The following STXBP6 variants were observed in gnomAD, a reference collection of about 807,000 sequenced individuals.
STXBP6 encodes syntaxin binding protein 6.
STXBP6 carries 21 observed loss-of-function variants against 26.9 expected under a neutral mutation model. That is an observed-to-expected ratio of 0.78 (90% confidence interval 0.55 to 1.12). The LOEUF is 1.12. Among genes scored for constraint, STXBP6 ranks in the 50% most tolerant of loss-of-function variants. The pLI, the probability that STXBP6 is intolerant of heterozygous loss-of-function variation, is 0.00. For missense variants in STXBP6, 232 were observed against 257.9 expected, an observed-to-expected ratio of 0.90 and a Z score of 0.69; for synonymous variants, 97 against 92.6, an observed-to-expected ratio of 1.05 and a Z score of -0.27.
At chr14:25,048,836 G>A (rs1370101557) in intron 1 of STXBP6, 2 of 152,374 alleles carry the variant, frequency 1.3e-5, no homozygotes, top group African/African-American at 2.4e-5. Flanking sequence ...GTGGAGCCAG[G>A]AAAAATTCGT....
chr14:24,860,422 T>C lies in STXBP6; in HGVS notation c.155-3265A>G, dbSNP rs148406180. On this transcript the variant is annotated intron_variant, in intron 2 of 5. Coordinates refer to ENST00000323944, the MANE Select transcript of STXBP6 (RefSeq NM_001394410.1). ...TTATGTGAAATGGGAGAAGAGCTCA[T>C]ATACCGCCAAGATTCAGAGGCAGAT... 2.2e-3 allele frequency among the ~76,000 whole-genome samples: 330 copies of C among 152,196 alleles called. 2 individuals carry two copies. Among genetic ancestry groups the C allele is most frequent in the African/African-American group, 7.5e-3 (313 of 41,558 alleles).
chr14:25,006,135 G>T (rs1474378730), intron 1 of STXBP6, among the ~76,000 whole-genome samples: 2 of 152,206 alleles, frequency 1.3e-5, no homozygotes, highest in South Asian at 2.1e-4. Flanking sequence ...CCATGACAGA[G>T]AACTGGTGAA....
chr14:24,875,420 C>T (rs762795690), intron 2 of STXBP6, among the ~76,000 whole-genome samples: 3 of 152,098 alleles, frequency 2.0e-5, no homozygotes, highest in Non-Finnish European at 4.4e-5. Context: ...TCATTTTAAA[C>T]GTCCAACACA....
intron 2 of STXBP6, among the ~76,000 whole-genome samples, chr14:24,962,650 A>G (rs889763756): frequency 3.3e-5 from 5 of 152,256 alleles, no homozygotes; most frequent in Admixed American, 3.3e-4. Context: ...AATTGACAAG[A>G]TATTTTATTT....
At chr14:24,847,833 T>C (rs1164895924) in intron 4 of STXBP6, among the ~76,000 whole-genome samples, 1 of 152,166 alleles carries the variant, frequency 6.6e-6, no homozygotes, top group Admixed American at 6.5e-5. Context: ...CAGTGTTACT[T>C]GATATATTTT....
At chr14:24,979,228 T>C (rs1305896241) in intron 1 of STXBP6, among the ~76,000 whole-genome samples, 2 of 152,240 alleles carry the variant, frequency 1.3e-5, no homozygotes, top group African/African-American at 4.8e-5. Context: ...GTTTTGGCCT[T>C]GTGGCTGTGC....
intron 5 of STXBP6, among the ~76,000 whole-genome samples, chr14:24,814,271 C>G (rs1443899709): frequency 2.0e-5 from 3 of 152,230 alleles, no homozygotes; most frequent in Admixed American, 6.5e-5. Flanking sequence ...TAGCTCAGAT[C>G]TGTACCACTT....
intron 1 of STXBP6, among the ~76,000 whole-genome samples, chr14:24,995,206 G>A (rs989259545): frequency 6.6e-6 from 1 of 152,128 alleles, no homozygotes; most frequent in Non-Finnish European, 1.5e-5. Context: ...ATGGTAGAAG[G>A]AACAAGGCAG....
At chr14:24,872,394 C>T (rs1039612784) in intron 2 of STXBP6, among the ~76,000 whole-genome samples, 2 of 152,182 alleles carry the variant, frequency 1.3e-5, no homozygotes, top group African/African-American at 4.8e-5. Flanking sequence ...GCTGTGACTT[C>T]ATACCTGAAG....
At chr14:24,993,744 C>T (rs1168021779) in intron 1 of STXBP6, among the ~76,000 whole-genome samples, 6 of 152,176 alleles carry the variant, frequency 3.9e-5, no homozygotes, top group African/African-American at 1.2e-4. Context: ...TTTTCCAGCT[C>T]CTGTCAGCCT....
Position 25,037,061 on chromosome 14 carries a change from CAAAGCCTACAGTAAGACAGTCCTGGCAGA to C in STXBP6, c.-33+12788_-33+12816del, listed in dbSNP as rs200278537. On this transcript the variant is annotated intron_variant, in intron 1 of 5. Coordinates refer to ENST00000323944, the MANE Select transcript of STXBP6 (RefSeq NM_001394410.1). ...CAGGAAGAAAAAGGAGCAGACACAGCAAAGCCTACAGTAAGACAGTCCTGGCAGAATGTGGCAGGACCCTGAAAGGCCCT... is the reference window on the plus strand; with the variant it reads ...CAGGAAGAAAAAGGAGCAGACACAGCATGTGGCAGGACCCTGAAAGGCCCT... Among the ~76,000 whole-genome samples, 3 of 152,254 alleles carry C rather than the reference CAAAGCCTACAGTAAGACAGTCCTGGCAGA, an allele frequency of 2.0e-5. No individual in the cohort carries two copies. The East Asian group carries it at 5.8e-4, about 29-fold the overall frequency.
At chr14:25,040,257 G>T (rs2075621600) in intron 1 of STXBP6, among the ~76,000 whole-genome samples, 1 of 152,178 alleles carries the variant, frequency 6.6e-6, no homozygotes, top group Admixed American at 6.5e-5. Flanking sequence ...ACATTATTCT[G>T]GAACTTGGGG....
intron 2 of STXBP6, among the ~76,000 whole-genome samples, chr14:24,961,921 CAT>C (rs2140125918): frequency 6.6e-6 from 1 of 152,204 alleles, no homozygotes; most frequent in South Asian, 2.1e-4. Context: ...AGAAAAAAAA[CAT>C]AAATATGTTT....
At chr14:24,980,867 T>A (rs1025077007) in intron 1 of STXBP6, among the ~76,000 whole-genome samples, 1 of 152,048 alleles carries the variant, frequency 6.6e-6, no homozygotes, top group Admixed American at 6.5e-5. Context: ...GGAAAAAAAA[T>A]ATCTTAAAGT....
At chr14:24,945,716 T>C (rs879428441) in intron 2 of STXBP6, among the ~76,000 whole-genome samples, 1 of 152,184 alleles carries the variant, frequency 6.6e-6, no homozygotes, top group Non-Finnish European at 1.5e-5. Flanking sequence ...ATTTTTAAAA[T>C]ATAGCAATAG....
intron 5 of STXBP6, chr14:24,816,752 T>C (rs1466289636): frequency 6.6e-6 from 1 of 152,024 alleles, no homozygotes; most frequent in African/African-American, 2.4e-5. Context: ...AGTATCAACA[T>C]TTAGCATGAG....
At chr14:25,038,451 ACT>A (rs1311480675) in intron 1 of STXBP6, among the ~76,000 whole-genome samples, 1 of 152,218 alleles carries the variant, frequency 6.6e-6, no homozygotes, top group Non-Finnish European at 1.5e-5. Context: ...ATACTCAAAA[ACT>A]GGAAACAATT....
At chr14:24,964,638 G>A (rs1299084852) in intron 2 of STXBP6, among the ~76,000 whole-genome samples, 4 of 119,420 alleles carry the variant, frequency 3.3e-5, no homozygotes, top group African/African-American at 1.4e-4. Flanking sequence ...AGCTAGTACA[G>A]TTCTCATTCT....
chr14:25,017,883 G>C (rs1044074159), intron 1 of STXBP6, among the ~76,000 whole-genome samples: 1 of 152,150 alleles, frequency 6.6e-6, no homozygotes, highest in Non-Finnish European at 1.5e-5. Flanking sequence ...CGTTGAGTGT[G>C]AATCTCTGCT....
Sources: allele counts gnomAD v4.1 joint callset (sites outside exome capture counted in the v4.1 genomes callset), GRCh38; gene constraint gnomAD v4.1.1; transcripts MANE v1.5; gene names NCBI Gene and HGNC (gene_info 2026-07-23, HGNC 2026-07-21).